The following ZMYM2 variants were observed in gnomAD, a reference collection of about 807,000 sequenced individuals.
ZMYM2 encodes zinc finger MYM-type protein 2.
In ZMYM2, 56 loss-of-function variants were observed where a neutral mutation model predicts 162.8. The observed-to-expected ratio is 0.34, with a 90% CI of 0.28 to 0.43. The LOEUF is 0.43. Among genes scored for constraint, ZMYM2 ranks in the 20% least tolerant of loss-of-function variants. The pLI, the probability that ZMYM2 is intolerant of heterozygous loss-of-function variation, is 1.00. For synonymous variants in ZMYM2, 510 were observed against 541.6 expected (o/e 0.94, Z 0.81); for missense variants, 1,275 against 1,621.8 (o/e 0.79, Z 3.67).
intron 6 of ZMYM2, among the ~76,000 whole-genome samples, chr13:20,013,728 T>TA (rs1169114692): frequency 3.9e-5 from 6 of 152,338 alleles, no homozygotes; most frequent in African/African-American, 1.4e-4. Flanking sequence ...TGTGGTACGT[T>TA]ACATGGATTG....
chr13:19,996,021 T>A (rs1206738854), intron 3 of ZMYM2, among the ~76,000 whole-genome samples: 1 of 151,970 alleles, frequency 6.6e-6, no homozygotes, highest in Non-Finnish European at 1.5e-5. Flanking sequence ...GACTTTTTCA[T>A]GACATGTCTG....
At position 19,983,956 on chromosome 13, in the gene ZMYM2, C is replaced by G. The variant is rs9508991; in HGVS notation, c.-10-9107C>G. 6.6e-5 allele frequency among the ~76,000 whole-genome samples: 10 copies of G among 152,250 alleles called. No individual in the cohort carries two copies. The East Asian group carries it at 1.9e-3, about 29-fold the overall frequency. On this transcript the variant is annotated intron_variant, in intron 2 of 24. Coordinates refer to ENST00000610343, the MANE Select transcript of ZMYM2 (RefSeq NM_197968.4). ...AATTTTTATTCTTAACATTTTAAAT[C>G]TATCATATTAACTCAGAACTATTAT...
chr13:19,935,199 A>G, the ZMYM2 span, among the ~76,000 whole-genome samples: 2 of 152,066 alleles, frequency 1.3e-5, no homozygotes, highest in Non-Finnish European at 2.9e-5. Context: ...CAGTGGTGCT[A>G]TTTTGGCTCA....
At chr13:19,870,242 G>A in the ZMYM2 span, among the ~76,000 whole-genome samples, 6 of 152,030 alleles carry the variant, frequency 3.9e-5, no homozygotes, top group Admixed American at 6.6e-5. Context: ...TGCAACTTCC[G>A]CCTCCTGGGC....
At chr13:19,902,345 G>A in the ZMYM2 span, among the ~76,000 whole-genome samples, 4 of 152,162 alleles carry the variant, frequency 2.6e-5, no homozygotes, top group Non-Finnish European at 5.9e-5. Flanking sequence ...TGCTGGGCGC[G>A]GTGGCTCACG....
chr13:20,067,119 A>T (rs1956739757), intron 20 of ZMYM2, 100 bp downstream of exon 20: 1 of 1,379,042 alleles, frequency 7.3e-7, no homozygotes, highest in African/African-American at 1.5e-5. Context: ...AACTTAAAAT[A>T]CCTGTAAGAA....
intron 12 of ZMYM2, among the ~76,000 whole-genome samples, chr13:20,043,961 A>G (rs1386378947): frequency 1.3e-5 from 2 of 152,070 alleles, no homozygotes; most frequent in Non-Finnish European, 2.9e-5. Context: ...GGGGGCTTCT[A>G]GGACACTCGA....
chr13:20,045,528 T>C (rs565095289), intron 12 of ZMYM2, among the ~76,000 whole-genome samples: 2 of 152,346 alleles, frequency 1.3e-5, no homozygotes, highest in East Asian at 3.9e-4. Context: ...ATTAGTGTTT[T>C]TGAGAAATCA....
At chr13:19,950,314 T>C in the ZMYM2 span, among the ~76,000 whole-genome samples, 3 of 152,356 alleles carry the variant, frequency 2.0e-5, no homozygotes, top group South Asian at 4.1e-4. Context: ...ACCTGCTTAA[T>C]TTTAGATTTT....
the ZMYM2 span, among the ~76,000 whole-genome samples, chr13:19,876,049 G>C: frequency 4.7e-5 from 7 of 148,420 alleles, no homozygotes; most frequent in Admixed American, 4.7e-4. Context: ...TTTTTGAGTC[G>C]GAGTCTTGCT....
intron 9 of ZMYM2, among the ~76,000 whole-genome samples, chr13:20,029,170 A>C (rs1952845910): frequency 6.6e-6 from 1 of 152,216 alleles, no homozygotes; most frequent in Admixed American, 6.5e-5. Flanking sequence ...GTCCAAGATA[A>C]GGCACTGGCA....
chr13:19,893,470 G>C, the ZMYM2 span, among the ~76,000 whole-genome samples: 2 of 151,940 alleles, frequency 1.3e-5, no homozygotes, highest in Non-Finnish European at 2.9e-5. Context: ...AGGCACGGTG[G>C]CTCACGCCTG....
At chr13:20,061,371 A>AC in intron 17 of ZMYM2, 147 bp downstream of exon 17, 1 of 694,992 alleles carries the variant, frequency 1.4e-6, no homozygotes, top group South Asian at 3.0e-5. Flanking sequence ...TTTTATATTA[A>AC]GAGATCTACA....
rs760872094 is a variant in ZMYM2, at chr13:19,993,503, C to T, written c.431C>T (p.Pro144Leu). The T allele has an allele frequency of 6.2e-7, 1 of 1,614,102 alleles. No individual in the cohort carries two copies. Among genetic ancestry groups the T allele is most frequent in the Non-Finnish European group, 8.5e-7 (1 of 1,180,012 alleles). The change falls in exon 3 of 25, where the codon CCT becomes CTT. Residue 144 changes from proline (P) to leucine (L), a missense_variant. Coordinates refer to ENST00000610343, the MANE Select transcript of ZMYM2 (RefSeq NM_197968.4). Reference protein sequence around the residue: ...NSSNFIERRPPETKNRTNDVD... With the variant: ...NSSNFIERRPLETKNRTNDVD... ...TCCAATTTTATTGAACGAAGACCTC[C>T]TGAGACTAAAAACAGAACCAATGAT... is the stretch of plus-strand genomic sequence containing the variant.
At chr13:19,937,867 C>T in the ZMYM2 span, among the ~76,000 whole-genome samples, 1 of 149,000 alleles carries the variant, frequency 6.7e-6, no homozygotes, top group Non-Finnish European at 1.5e-5. Flanking sequence ...CAATTCCCAC[C>T]TATGAGTGAG....
At chr13:19,877,544 GCT>G in the ZMYM2 span, among the ~76,000 whole-genome samples, 6 of 152,180 alleles carry the variant, frequency 3.9e-5, no homozygotes, top group Non-Finnish European at 7.3e-5. Flanking sequence ...TTCCCACTAG[GCT>G]CTGTCTTTCA....
the ZMYM2 span, among the ~76,000 whole-genome samples, chr13:19,913,426 C>T: frequency 2.6e-5 from 4 of 151,912 alleles, no homozygotes; most frequent in African/African-American, 9.7e-5. Flanking sequence ...GGCCCTGAAA[C>T]ACAAGTAACT....
chr13:19,941,420 C>T, the ZMYM2 span, among the ~76,000 whole-genome samples: 4 of 151,730 alleles, frequency 2.6e-5, no homozygotes, highest in Admixed American at 1.3e-4. Context: ...AATTGGGCAA[C>T]ACCCAAAACT....
At chr13:19,991,962 AT>A (rs1401204857) in intron 2 of ZMYM2, among the ~76,000 whole-genome samples, 2 of 152,112 alleles carry the variant, frequency 1.3e-5, no homozygotes, top group Non-Finnish European at 2.9e-5. Flanking sequence ...TTGTGAGTAC[AT>A]TTGTGACCCA....
Sources: allele counts gnomAD v4.1 joint callset (sites outside exome capture counted in the v4.1 genomes callset), GRCh38; gene constraint gnomAD v4.1.1; transcripts MANE v1.5; gene names NCBI Gene and HGNC (gene_info 2026-07-23, HGNC 2026-07-21).